The following NIBAN2 variants were observed in gnomAD, a reference collection of about 807,000 sequenced individuals.
NIBAN2 encodes the protein protein Niban 2.
Under a neutral mutation model 81.8 loss-of-function variants are expected in NIBAN2, and 36 were observed. The observed-to-expected ratio is 0.44, with a 90% CI of 0.34 to 0.58. The LOEUF (loss-of-function observed/expected upper bound fraction) is 0.58, where lower values mean the gene tolerates loss of function less well. Among genes scored for constraint, NIBAN2 ranks in the 20% least tolerant of loss-of-function variants. NIBAN2 has a pLI of 0.02. For missense variants in NIBAN2, 897 were observed against 1,014.1 expected, an observed-to-expected ratio of 0.88 and a Z score of 1.57; for synonymous variants, 445 against 441.6, an observed-to-expected ratio of 1.01 and a Z score of -0.10.
intron 1 of NIBAN2, among the ~76,000 whole-genome samples, chr9:127,576,252 C>T (rs1198868745): frequency 6.6e-6 from 1 of 152,052 alleles, no homozygotes; most frequent in East Asian, 1.9e-4. Flanking sequence ...ACACTCATGC[C>T]TGCAGTGGCC....
chr9:127,516,567 C>T (rs1018410496), intron 8 of NIBAN2, among the ~76,000 whole-genome samples: 1 of 152,016 alleles, frequency 6.6e-6, no homozygotes, highest in Non-Finnish European at 1.5e-5. Context: ...ACTTGCTGAA[C>T]GTAAATGTAC....
rs980799413 is a variant in NIBAN2 at position 127,508,729 on chromosome 9, T to C, written c.1318-191A>G. On this transcript the variant is annotated intron_variant, in intron 10 of 13. Coordinates refer to ENST00000373312, the MANE Select transcript of NIBAN2 (RefSeq NM_022833.4). This position sits in a 1 kb window ranked among gnomAD's most constrained non-coding sequence, Gnocchi z 6.4. The stretch of plus-strand genomic sequence containing the variant: ...CCCTGCCTCAAGGCAACAGGAAATA[T>C]GGGAAGGGGCCTGGGGGCGCAAGGA... Among the ~76,000 whole-genome samples the C allele has an allele frequency of 3.1e-4, 47 of 151,944 alleles. No homozygotes were observed. The highest frequency in any genetic ancestry group is 5.2e-4 in the Non-Finnish European group (35 of 67,924).
intron 1 of NIBAN2, among the ~76,000 whole-genome samples, chr9:127,556,742 G>A (rs1837678190): frequency 6.6e-6 from 1 of 152,148 alleles, no homozygotes; most frequent in South Asian, 2.1e-4. Flanking sequence ...CCCATGGTGA[G>A]TTAGCCCGCA....
Position 127,536,797 on chromosome 9 carries a change from T to G in NIBAN2, c.56-5019A>C, listed in dbSNP as rs1837288732. ...AGTCGGCTGCATGCCACCCTCCTGG[T>G]CCTAGCTCTGGCCATTGTCTACAGG... On this transcript the variant is annotated intron_variant, in intron 1 of 13. Coordinates refer to ENST00000373312, the MANE Select transcript of NIBAN2 (RefSeq NM_022833.4). This position sits in a 1 kb window ranked among gnomAD's most constrained non-coding sequence, Gnocchi z 4.0. Among the ~76,000 whole-genome samples the G allele has an allele frequency of 6.6e-6, 1 of 152,182 alleles. No individual in the cohort carries two copies. Among genetic ancestry groups the G allele is most frequent in the East Asian group, 1.9e-4 (1 of 5,190 alleles).
chr9:127,575,333 A>G (rs1293054819), intron 1 of NIBAN2, among the ~76,000 whole-genome samples: 1 of 150,750 alleles, frequency 6.6e-6, no homozygotes, highest in East Asian at 1.9e-4. Context: ...GGTTCAAGCA[A>G]TTCTCTGCCT....
intron 3 of NIBAN2, among the ~76,000 whole-genome samples, chr9:127,526,480 A>C (rs554115316): frequency 4.4e-4 from 67 of 151,956 alleles, no homozygotes; most frequent in African/African-American, 1.6e-3. Context: ...AAAGCCCAGC[A>C]CCGTGTCTTT....
At chr9:127,541,485 C>T (rs917408541) in intron 1 of NIBAN2, among the ~76,000 whole-genome samples, 1 of 152,220 alleles carries the variant, frequency 6.6e-6, no homozygotes, top group Non-Finnish European at 1.5e-5. Context: ...AGGGAACCAA[C>T]GTTTGGGCAA....
chr9:127,578,410 C>T (rs2132251353), intron 1 of NIBAN2, among the ~76,000 whole-genome samples: 1 of 149,022 alleles, frequency 6.7e-6, no homozygotes, highest in African/African-American at 2.5e-5. Context: ...ACCTGTAATC[C>T]CAGCACTTTA....
At chr9:127,566,639 C>CA (rs949642313) in intron 1 of NIBAN2, among the ~76,000 whole-genome samples, 1 of 152,152 alleles carries the variant, frequency 6.6e-6, no homozygotes, top group African/African-American at 2.4e-5. Flanking sequence ...CCTGGGAACT[C>CA]AGAGCACTGT....
chr9:127,542,425 G>A (rs565842976), intron 1 of NIBAN2, among the ~76,000 whole-genome samples: 156 of 152,334 alleles, frequency 1.0e-3, no homozygotes, highest in African/African-American at 3.4e-3. Flanking sequence ...CTGGCACGCA[G>A]TGGAAAAGGA....
At chr9:127,557,990 T>C (rs1315940137) in intron 1 of NIBAN2, among the ~76,000 whole-genome samples, 1 of 152,136 alleles carries the variant, frequency 6.6e-6, no homozygotes, top group Non-Finnish European at 1.5e-5. Flanking sequence ...CCAGGAGGGC[T>C]GACCCCAGGA....
intron 1 of NIBAN2, among the ~76,000 whole-genome samples, chr9:127,578,354 CAAAAAAA>C (rs150337961): frequency 1.2e-5 from 1 of 83,570 alleles, no homozygotes. Flanking sequence ...GACTTGGTCT[CAAAAAAA>C]AAAAAAAAAA....
chr9:127,532,430 T>G (rs1342349733), intron 1 of NIBAN2, among the ~76,000 whole-genome samples: 1 of 151,928 alleles, frequency 6.6e-6, no homozygotes, highest in East Asian at 1.9e-4. Context: ...ATCCTGTCTC[T>G]ACTAAAAATA....
chr9:127,508,378 G>A lies in NIBAN2; in HGVS notation c.1434+44C>T, dbSNP rs202148556. 3.7e-5 allele frequency: 55 copies of A among 1,504,736 alleles called. No individual in the cohort carries two copies. The highest frequency in any genetic ancestry group is 3.2e-4 in the African/African-American group (23 of 73,012). The allele number at this position is 1,504,736 out of a possible 1,614,324, so 93.2% of individuals were successfully genotyped here. On this transcript the variant is annotated intron_variant, in intron 11 of 13. Coordinates refer to ENST00000373312, the MANE Select transcript of NIBAN2 (RefSeq NM_022833.4). The surrounding 1 kb of genome is among the most constrained non-coding windows in gnomAD (Gnocchi z 6.4). ...TGGCCGGGGATGAGGCTCGGGGCTC[G>A]GCCTCGCCTAGGACGGTCCGGGGCA...
At chr9:127,571,578 C>G (rs1837946395), upstream of NIBAN2, among the ~76,000 whole-genome samples, 1 of 152,138 alleles carries the variant, frequency 6.6e-6, no homozygotes, top group African/African-American at 2.4e-5. Flanking sequence ...CGCCTGTAGT[C>G]CCAGCTGCTC....
In NIBAN2 at chr9:127,531,503, A is replaced by T. The variant is rs552752708; in HGVS notation, c.186+145T>A. 7.2e-4 allele frequency: 463 copies of T among 640,866 alleles called. No individual in the cohort carries two copies. In the Middle Eastern group the frequency reaches 0.013, roughly 17 times the overall value. The allele number at this position is 640,866 out of a possible 1,614,324, so 39.7% of individuals were successfully genotyped here. The stretch of plus-strand genomic sequence containing the variant: ...TGTCTCAAAAAAGAAAAAAATAATT[A>T]ATTTTAAAAAAAGAAGCTGGGGAGA... On this transcript the variant is annotated intron_variant, in intron 2 of 13. Coordinates refer to ENST00000373312, the MANE Select transcript of NIBAN2 (RefSeq NM_022833.4).
chr9:127,541,951 G>A (rs985822241), intron 1 of NIBAN2, among the ~76,000 whole-genome samples: 1 of 152,006 alleles, frequency 6.6e-6, no homozygotes, highest in African/African-American at 2.4e-5. Context: ...CAGCACCCAG[G>A]GGCCAGTCAA....
At chr9:127,569,084 C>T (rs923254150), upstream of NIBAN2, 5 of 1,051,660 alleles carry the variant, frequency 4.8e-6, no homozygotes, top group Non-Finnish European at 5.7e-6. Context: ...GGCCCCCTCC[C>T]TGCCCTCGGC....
At chr9:127,523,543 T>C (rs1837000591) in intron 5 of NIBAN2, 136 bp downstream of exon 5, 1 of 795,242 alleles carries the variant, frequency 1.3e-6, no homozygotes. Flanking sequence ...TGGTTTCTTA[T>C]AACCCCAGAA....
Sources: allele counts gnomAD v4.1 joint callset (sites outside exome capture counted in the v4.1 genomes callset), GRCh38; gene constraint gnomAD v4.1.1; non-coding constraint Gnocchi (gnomAD v3.1); transcripts MANE v1.5; gene names NCBI Gene and HGNC (gene_info 2026-07-23, HGNC 2026-07-21).